The following FMN1 variants were observed in gnomAD, a reference collection of about 807,000 sequenced individuals.
The protein encoded by FMN1 is formin 1, also known as formin-1.
Under a neutral mutation model 132.4 loss-of-function variants are expected in FMN1, and 110 were observed. The observed-to-expected ratio is 0.83, with a 90% CI of 0.71 to 0.97. The LOEUF (loss-of-function observed/expected upper bound fraction) is 0.97. Among genes scored for constraint, FMN1 ranks in the 50% least tolerant of loss-of-function variants. FMN1 has a pLI of 0.00. For synonymous variants in FMN1, 722 were observed against 651.7 expected, an observed-to-expected ratio of 1.11 and a Z score of -1.64; for missense variants, 1,792 against 1,705.3, an observed-to-expected ratio of 1.05 and a Z score of -0.90.
At chr15:33,114,907 G>A (rs1164055431) in intron 4 of FMN1, among the ~76,000 whole-genome samples, 1 of 127,662 alleles carries the variant, frequency 7.8e-6, no homozygotes, top group Non-Finnish European at 1.7e-5. Flanking sequence ...GCATCTCTAC[G>A]TTACTGTCCA....
Position 32,767,429 on chromosome 15 carries a change from C to T in FMN1, c.*6881G>A, listed in dbSNP as rs958640691. The T allele has an allele frequency of 1.2e-4, 19 of 152,292 alleles. No homozygotes were observed. The highest frequency in any genetic ancestry group is 2.6e-4 in the Admixed American group (4 of 15,300). 9.4% of individuals were successfully genotyped at this position (152,292 alleles called of 1,614,324 possible). Reference sequence around the variant, plus strand: ...TGACTGCCTTCACTCAGGTTCTAGGCATGCAGGCCAGTGCTTATTTTCCAG... The same window carrying T: ...TGACTGCCTTCACTCAGGTTCTAGGTATGCAGGCCAGTGCTTATTTTCCAG... On this transcript the variant is annotated 3_prime_UTR_variant, in exon 21 of 21. Transcript: ENST00000616417.
intron 7 of FMN1, among the ~76,000 whole-genome samples, chr15:32,971,818 G>T (rs965060485): frequency 2.0e-5 from 3 of 152,148 alleles, no homozygotes; most frequent in Non-Finnish European, 2.9e-5. Context: ...TCCCCTATCA[G>T]ATTATAAACT....
At chr15:32,793,773 A>G (rs1447618715) in intron 19 of FMN1, among the ~76,000 whole-genome samples, 7 of 152,220 alleles carry the variant, frequency 4.6e-5, no homozygotes, top group Non-Finnish European at 1.0e-4. Flanking sequence ...AATACAAGTC[A>G]TTTAACTACA....
intron 5 of FMN1, chr15:33,068,164 G>T: frequency 2.2e-6 from 1 of 460,782 alleles, no homozygotes; most frequent in Non-Finnish European, 3.3e-6. Flanking sequence ...GACCAGGGAG[G>T]CTGCTCTTCT....
intron 6 of FMN1, among the ~76,000 whole-genome samples, chr15:33,058,737 C>T (rs345758): frequency 3.3e-3 from 502 of 152,236 alleles, no homozygotes; most frequent in Non-Finnish European, 5.7e-3. Flanking sequence ...ACTTCAGATC[C>T]CGTAATTTGT....
intron 16 of FMN1, among the ~76,000 whole-genome samples, chr15:32,882,853 C>T (rs1248738363): frequency 6.6e-6 from 1 of 152,216 alleles, no homozygotes; most frequent in East Asian, 1.9e-4. Context: ...ACAGGAAACA[C>T]TTTCTTAAAT....
chr15:33,089,538 C>G (rs2038830797), intron 4 of FMN1, among the ~76,000 whole-genome samples: 2 of 152,190 alleles, frequency 1.3e-5, no homozygotes, highest in African/African-American at 4.8e-5. Context: ...CTTATTCTAA[C>G]CTAAACTATA....
At chr15:32,958,452 T>C (rs2030087147) in intron 9 of FMN1, among the ~76,000 whole-genome samples, 1 of 152,154 alleles carries the variant, frequency 6.6e-6, no homozygotes, top group Admixed American at 6.5e-5. Flanking sequence ...TAGTTTCTTA[T>C]GTGCCATATG....
chr15:33,006,200 C>G (rs2034406589), intron 7 of FMN1, among the ~76,000 whole-genome samples: 1 of 151,954 alleles, frequency 6.6e-6, no homozygotes, highest in African/African-American at 2.4e-5. Flanking sequence ...GGCAAGAAAA[C>G]AAACAGCCTG....
At chr15:32,848,988 T>TG (rs1156831867) in intron 17 of FMN1, among the ~76,000 whole-genome samples, 5 of 136,872 alleles carry the variant, frequency 3.7e-5, no homozygotes, top group African/African-American at 8.3e-5. Context: ...TTTTTTTTTT[T>TG]TTTTTTTTTT....
intron 7 of FMN1, among the ~76,000 whole-genome samples, chr15:33,006,992 G>A (rs1233795851): frequency 6.6e-6 from 1 of 152,066 alleles, no homozygotes; most frequent in Admixed American, 6.6e-5. Flanking sequence ...GTACAACATG[G>A]TGACTATAGT....
intron 16 of FMN1, among the ~76,000 whole-genome samples, chr15:32,859,655 T>G (rs919133575): frequency 1.2e-4 from 18 of 152,360 alleles, no homozygotes; most frequent in Middle Eastern, 3.4e-3. Flanking sequence ...AGTCCATACA[T>G]TAATCCCTGA....
intron 6 of FMN1, among the ~76,000 whole-genome samples, chr15:33,041,621 C>A (rs1488173219): frequency 6.6e-6 from 1 of 151,982 alleles, no homozygotes; most frequent in African/African-American, 2.4e-5. Flanking sequence ...TGAAAAGATG[C>A]TCAACCTTAC....
chr15:32,791,844 A>G (rs1268281739), intron 19 of FMN1, among the ~76,000 whole-genome samples: 4 of 152,204 alleles, frequency 2.6e-5, no homozygotes, highest in Non-Finnish European at 5.9e-5. Flanking sequence ...TTGAGATGGA[A>G]TAATTTCCAA....
At chr15:32,794,127 T>C (rs896439155) in intron 19 of FMN1, among the ~76,000 whole-genome samples, 4 of 151,886 alleles carry the variant, frequency 2.6e-5, no homozygotes, top group African/African-American at 9.7e-5. Context: ...CAGCAGCAAG[T>C]AATAGACTTA....
intron 18 of FMN1, among the ~76,000 whole-genome samples, chr15:32,802,032 T>A (rs1258805): frequency 6.6e-6 from 1 of 152,226 alleles, no homozygotes; most frequent in African/African-American, 2.4e-5. Context: ...CCAGGAGAAT[T>A]TTCTCTAATA....
intron 6 of FMN1, among the ~76,000 whole-genome samples, chr15:33,031,873 A>G (rs1204213681): frequency 6.6e-6 from 1 of 152,262 alleles, no homozygotes; most frequent in African/African-American, 2.4e-5. Flanking sequence ...CCTTGTTGGT[A>G]AACAAATAAA....
At chr15:32,790,616 T>C (rs1306301936) in intron 19 of FMN1, among the ~76,000 whole-genome samples, 1 of 152,230 alleles carries the variant, frequency 6.6e-6, no homozygotes. Context: ...GCTGCTGATC[T>C]CTAACACTGC....
At chr15:32,977,334 AAGTC>A (rs2032291368) in intron 7 of FMN1, among the ~76,000 whole-genome samples, 1 of 152,208 alleles carries the variant, frequency 6.6e-6, no homozygotes, top group African/African-American at 2.4e-5. Flanking sequence ...ATATTTTAGG[AAGTC>A]AGTATGCCAA....
Sources: gnomAD v4.1 joint callset for allele counts (sites outside exome capture counted in the v4.1 genomes callset) on GRCh38, gnomAD v4.1.1 for gene constraint, MANE v1.5 for transcripts, NCBI Gene and HGNC (gene_info 2026-07-23, HGNC 2026-07-21) for gene names.